PAPLN: variants seen among roughly 807,000 people sequenced by gnomAD.
PAPLN encodes papilin, proteoglycan like sulfated glycoprotein, also known as papilin.
Under a neutral mutation model 159.0 loss-of-function variants are expected in PAPLN, and 146 were observed. That is an observed-to-expected ratio of 0.92 (90% CI 0.80 to 1.05). The LOEUF is 1.05. Ranked by LOEUF, PAPLN falls within the 50% of genes least tolerant of loss-of-function variation. PAPLN has a pLI of 0.00. For missense variants in PAPLN, 1,720 were observed against 1,743.9 expected (o/e 0.99, Z 0.24); for synonymous variants, 734 against 702.9 (o/e 1.04, Z -0.70).
intron 22 of PAPLN, 25 bp downstream of exon 22, chr14:73,264,751 G>A: frequency 6.2e-7 from 1 of 1,611,188 alleles, no homozygotes; most frequent in East Asian, 2.2e-5. Flanking sequence ...ATGCCATCTT[G>A]CCCTCCCCCA....
intron 11 of PAPLN, chr14:73,253,188 G>T (rs748494564): frequency 1.5e-6 from 2 of 1,361,774 alleles, no homozygotes; most frequent in Non-Finnish European, 9.7e-7. Flanking sequence ...GGCCTGGAGC[G>T]TGGCGCCTTG....
rs778444319 is a variant in PAPLN at position 73,251,852 on chromosome 14, G to C, written c.843+16G>C. ...GGTCATCGAGGTAAATGGGGGTGTG[G>C]GGAGAGAGGGCGAGTGGGCAGCTCG... On this transcript the variant is annotated intron_variant, in intron 9 of 26. Coordinates refer to ENST00000644200, the MANE Select transcript of PAPLN (RefSeq NM_001365906.3). 3.2e-6 allele frequency: 5 copies of C among 1,582,908 alleles called. No homozygotes were observed. The East Asian group carries it at 1.1e-4, about 35-fold the overall frequency.
At chr14:73,256,472 C>G (rs1332868656) in intron 14 of PAPLN, among the ~76,000 whole-genome samples, 2 of 139,288 alleles carry the variant, frequency 1.4e-5, no homozygotes, top group African/African-American at 2.8e-5. Context: ...GCCGAGGTTG[C>G]AGTGAGCCGA....
intron 26 of PAPLN, among the ~76,000 whole-genome samples, chr14:73,271,193 C>T (rs1887684689): frequency 6.6e-6 from 1 of 152,120 alleles, no homozygotes; most frequent in Admixed American, 6.5e-5. Context: ...TATGATGGGT[C>T]TTGGGCTGTA....
chr14:73,252,182 G>A (rs780718934), intron 10 of PAPLN, 41 bp downstream of exon 10: 3 of 1,535,374 alleles, frequency 2.0e-6, no homozygotes, highest in Admixed American at 2.0e-5. Flanking sequence ...TGGGCCCTGT[G>A]TGCTGGATCC....
Position 73,245,312 on chromosome 14 carries a change from G to T in PAPLN, c.171-324G>T. 2.8e-6 allele frequency: 1 copy of T among 352,354 alleles called. No individual in the cohort carries two copies. Among genetic ancestry groups the T allele is most frequent in the South Asian group, 3.5e-5 (1 of 28,910 alleles). The allele number at this position is 352,354 out of a possible 1,614,324, so 21.8% of individuals were successfully genotyped here. A position where few individuals can be genotyped will look rare whatever the true frequency, so the allele number is the denominator to read the frequency against. ...CTTATACTGATGTCCTGCTTAGATC[G>T]CAGGATGGCTGTGCCAAGCGGGTGG... On this transcript the variant is annotated intron_variant, in intron 3 of 26. Coordinates refer to ENST00000644200, the MANE Select transcript of PAPLN (RefSeq NM_001365906.3). The surrounding 1 kb of genome is among the most constrained non-coding windows in gnomAD (Gnocchi z 4.2).
At position 73,254,644 on chromosome 14, in the gene PAPLN, G is replaced by A; in HGVS notation, c.1434G>A (p.Glu478=). ...CTCTGACTGAGCCCTGTGTGCATGA[G>A]GACTGCCCCCTCCTCAGTGACCAGG... ...RPPLTEPCVH[E]DCPLLSDQAW... The change falls in exon 13 of 27, where the codon GAG becomes GAA. Residue 478 remains glutamate, a synonymous_variant. Transcript: ENST00000644200. 6.2e-7 allele frequency: 1 copy of A among 1,614,028 alleles called. No individual in the cohort carries two copies. The highest frequency in any genetic ancestry group is 8.5e-7 in the Non-Finnish European group (1 of 1,179,922).
Position 73,246,183 on chromosome 14 carries a change from C to A in PAPLN, c.334+8C>A. The A allele has an allele frequency of 1.3e-6, 2 of 1,568,486 alleles. No individual in the cohort carries two copies. The highest frequency in any genetic ancestry group is 1.7e-6 in the Non-Finnish European group (2 of 1,162,206). ...GGCTGCCCTACTACAGCGGTGAGCG[C>A]GGCCGGGACTCGCTCTCTCGGGGCC... On this transcript the variant is annotated splice_region_variant and intron_variant, in intron 5 of 26. Coordinates refer to ENST00000644200, the MANE Select transcript of PAPLN (RefSeq NM_001365906.3).
rs17126354 is a variant in PAPLN at position 73,254,592 on chromosome 14, C to T, written c.1382C>T (p.Ala461Val). The change falls in exon 13 of 27, where the codon GCA (alanine) becomes GTA (valine). Residue 461 changes from alanine to valine, a missense_variant. Ala to Val is a moderately conservative substitution (Grantham distance 64, BLOSUM62 0). Coordinates refer to ENST00000644200, the MANE Select transcript of PAPLN (RefSeq NM_001365906.3). ...RGERGSLLHT[A>V]ACSLEDRPPL... Reference sequence around the variant, plus strand: ...GAAAGGGGTTCTTTGCTCCATACCGCAGCGTGCTCCTTGGAAGACCGGCCA... The same window carrying T: ...GAAAGGGGTTCTTTGCTCCATACCGTAGCGTGCTCCTTGGAAGACCGGCCA... 9,245 of 1,614,036 alleles carry T rather than the reference C, an allele frequency of 5.7e-3. 440 individuals carry two copies. In the African/African-American group the frequency reaches 0.11, roughly 18 times the overall value.
intron 11 of PAPLN, chr14:73,253,174 C>T: frequency 7.3e-7 from 1 of 1,365,446 alleles, no homozygotes; most frequent in African/African-American, 1.5e-5. Flanking sequence ...CTCTTACCTG[C>T]ACCGGCCTGG....
chr14:73,247,712 G>T (rs556307095), intron 5 of PAPLN, among the ~76,000 whole-genome samples: 1 of 143,486 alleles, frequency 7.0e-6, no homozygotes, highest in African/African-American at 2.6e-5. Flanking sequence ...GCATGGCCCA[G>T]TGGGAGTCTC....
At position 73,264,265 on chromosome 14, in the gene PAPLN, C is replaced by T. The variant is rs376194083; in HGVS notation, c.2916C>T (p.Asp972=). The change falls in exon 21 of 27, where the codon GAC becomes GAT. Residue 972 remains aspartate (D), a synonymous_variant. Transcript: ENST00000644200. ...SLIIHPLQAE[D]AGTYSCGSTR... ...TCATCCACCCCCTGCAGGCAGAGGA[C>T]GCGGGCACCTACAGCTGTGGCAGCA... The T allele has an allele frequency of 9.9e-6, 16 of 1,613,904 alleles. No homozygotes were observed. Among genetic ancestry groups the T allele is most frequent in the South Asian group, 3.3e-5 (3 of 91,088 alleles).
At position 73,259,259 on chromosome 14, in the gene PAPLN, T is replaced by C; in HGVS notation, c.1709-10T>C. ...GGACGCACTGTGTGTCTTTTGCTTC[T>C]TCTTTCTAGACTCCAGAGGCCAGTG... On this transcript the variant is annotated splice_polypyrimidine_tract_variant and intron_variant, in intron 15 of 26. Coordinates refer to ENST00000644200, the MANE Select transcript of PAPLN (RefSeq NM_001365906.3). 1 of 1,540,814 alleles carries C rather than the reference T, an allele frequency of 6.5e-7. No homozygotes were observed.
intron 2 of PAPLN, among the ~76,000 whole-genome samples, chr14:73,240,047 C>T (rs1014305716): frequency 6.6e-6 from 1 of 152,226 alleles, no homozygotes; most frequent in African/African-American, 2.4e-5. Flanking sequence ...GGCTGCAGGG[C>T]GCAGTGTGTA....
intron 16 of PAPLN, among the ~76,000 whole-genome samples, chr14:73,260,091 G>C (rs1426225089): frequency 1.3e-5 from 2 of 152,182 alleles, no homozygotes; most frequent in Non-Finnish European, 2.9e-5. Flanking sequence ...CCTGGGGGCA[G>C]TTCCCAGCTC....
At chr14:73,252,372 T>C (rs542019231) in intron 10 of PAPLN, among the ~76,000 whole-genome samples, 1 of 151,070 alleles carries the variant, frequency 6.6e-6, no homozygotes, top group African/African-American at 2.4e-5. Flanking sequence ...CTTCCCAGAG[T>C]CAGCGGCATC....
chr14:73,252,939 G>C (rs1885462647), intron 11 of PAPLN, among the ~76,000 whole-genome samples, 164 bp downstream of exon 11: 1 of 152,168 alleles, frequency 6.6e-6, no homozygotes, highest in African/African-American at 2.4e-5. Context: ...TCCTGGGGGA[G>C]GCAGAGAATA....
At chr14:73,251,359 G>A (rs1051467799) in intron 7 of PAPLN, 127 bp from the exon 8 acceptor site, 12 of 1,059,272 alleles carry the variant, frequency 1.1e-5, no homozygotes, top group African/African-American at 4.8e-5. Context: ...CCAGCAGCTC[G>A]GCCCTGTCTG....
chr14:73,254,827 C>T (rs751388790), intron 13 of PAPLN, 50 bp from the exon 14 acceptor site: 1 of 1,602,654 alleles, frequency 6.2e-7, no homozygotes, highest in South Asian at 1.1e-5. Context: ...TGGGTCCCCG[C>T]CCCCAGCCTC....
Sources: allele counts gnomAD v4.1 joint callset (sites outside exome capture counted in the v4.1 genomes callset), GRCh38; gene constraint gnomAD v4.1.1; non-coding constraint Gnocchi (gnomAD v3.1); transcripts MANE v1.5; gene names NCBI Gene and HGNC (gene_info 2026-07-23, HGNC 2026-07-21).